GRAMD2B: variants seen among roughly 807,000 people sequenced by gnomAD.
GRAMD2B encodes GRAM domain-containing protein 2B.
In GRAMD2B, 41 loss-of-function variants were observed where a neutral mutation model predicts 59.2. The observed-to-expected ratio is 0.69, with a 90% CI of 0.54 to 0.90. GRAMD2B has a LOEUF of 0.90. Ranked by LOEUF, GRAMD2B falls within the 40% of genes least tolerant of loss-of-function variation. The probability of loss-of-function intolerance (pLI) is 0.00; values close to 1 mark genes in which losing one functional copy is unlikely to be tolerated. For synonymous variants in GRAMD2B, 161 were observed against 182.7 expected, an observed-to-expected ratio of 0.88 and a Z score of 0.96; for missense variants, 424 against 500.5, an observed-to-expected ratio of 0.85 and a Z score of 1.46.
chr5:126,431,413 C>T (rs1404303595), intron 1 of GRAMD2B, among the ~76,000 whole-genome samples: 1 of 152,084 alleles, frequency 6.6e-6, no homozygotes, highest in Non-Finnish European at 1.5e-5. Flanking sequence ...GTAAACAAAC[C>T]CATTAGAATA....
chr5:126,465,214 GA>G (rs1768082937), intron 1 of GRAMD2B: 1 of 1,408,178 alleles, frequency 7.1e-7, no homozygotes, highest in Non-Finnish European at 9.2e-7. Context: ...ATTTACAAGT[GA>G]AACAGGTGCG....
At chr5:126,472,428 TAAC>T (rs1769783675) in intron 4 of GRAMD2B, 124 bp downstream of exon 4, 1 of 686,926 alleles carries the variant, frequency 1.5e-6, no homozygotes, top group East Asian at 2.6e-5. Flanking sequence ...CTGAAAGTAA[TAAC>T]ATAACAATAA....
chr5:126,426,229 G>C (rs1240692013), intron 1 of GRAMD2B, among the ~76,000 whole-genome samples: 3 of 152,054 alleles, frequency 2.0e-5, no homozygotes, highest in Non-Finnish European at 4.4e-5. Context: ...TAAGGAACTG[G>C]TATGCCAAAC....
chr5:126,480,692 T>C lies in GRAMD2B; in HGVS notation c.720T>C (p.Pro240=), dbSNP rs1294360679. ...AAAACAGTTTCCGAGCAGACCGCCC[T>C]TCATCTCTGCCTCTGGTAAGTTGCC... The part of the protein sequence containing the change: ...SAENSFRADR[P]SSLPLDFNDE... Residue 240 remains proline, a synonymous_variant, in exon 8 of 14, where the codon CCT becomes CCC. Transcript: ENST00000285689. 4.3e-6 allele frequency: 7 copies of C among 1,613,800 alleles called. No homozygotes were observed. Among genetic ancestry groups the C allele is most frequent in the Non-Finnish European group, 5.9e-6 (7 of 1,179,802 alleles).
At chr5:126,415,473 G>A (rs1411526685) in intron 1 of GRAMD2B, among the ~76,000 whole-genome samples, 1 of 151,920 alleles carries the variant, frequency 6.6e-6, no homozygotes, top group African/African-American at 2.4e-5. Flanking sequence ...CATGTAAAAG[G>A]CATGCAAAAA....
At chr5:126,436,569 T>C (rs1376465632) in intron 1 of GRAMD2B, among the ~76,000 whole-genome samples, 1 of 152,188 alleles carries the variant, frequency 6.6e-6, no homozygotes, top group Admixed American at 6.5e-5. Flanking sequence ...GGAGGATCGC[T>C]TGAGCCTAGG....
At chr5:126,361,148 C>T (rs575426495) in intron 1 of GRAMD2B, among the ~76,000 whole-genome samples, 1 of 152,168 alleles carries the variant, frequency 6.6e-6, no homozygotes, top group African/African-American at 2.4e-5. Context: ...GCTTTAAAAT[C>T]CCTCAAATAA....
intron 1 of GRAMD2B, among the ~76,000 whole-genome samples, chr5:126,448,660 A>G (rs1764787253): frequency 6.6e-6 from 1 of 152,150 alleles, no homozygotes; most frequent in South Asian, 2.1e-4. Context: ...ACCCTAGCTA[A>G]GCCAACCAAA....
chr5:126,389,513 T>A (rs1756508061), intron 1 of GRAMD2B, among the ~76,000 whole-genome samples: 2 of 152,214 alleles, frequency 1.3e-5, no homozygotes, highest in African/African-American at 4.8e-5. Flanking sequence ...TCTTCTATTC[T>A]TAGTAAGAGC....
intron 1 of GRAMD2B, among the ~76,000 whole-genome samples, chr5:126,391,146 G>T (rs183054245): frequency 2.6e-5 from 4 of 151,778 alleles, no homozygotes; most frequent in Admixed American, 2.0e-4. Context: ...TTTGAGACCA[G>T]CCTGGCCAAC....
intron 1 of GRAMD2B, among the ~76,000 whole-genome samples, chr5:126,363,772 A>G (rs1754324170): frequency 6.6e-6 from 1 of 152,196 alleles, no homozygotes; most frequent in Admixed American, 6.5e-5. Context: ...CTCTAAAGAG[A>G]GAAAGTAAAT....
upstream of GRAMD2B, chr5:126,423,131 G>A (rs528072345): frequency 6.6e-4 from 655 of 992,180 alleles, no homozygotes; most frequent in Non-Finnish European, 7.4e-4. Context: ...CCACTCAGAC[G>A]TCTCCATTTC....
intron 1 of GRAMD2B, among the ~76,000 whole-genome samples, chr5:126,365,978 C>A (rs1013797298): frequency 3.3e-5 from 5 of 152,196 alleles, no homozygotes; most frequent in Admixed American, 1.3e-4. Flanking sequence ...AAAGTCCAAT[C>A]TTGCCATGTC....
upstream of GRAMD2B, among the ~76,000 whole-genome samples, chr5:126,422,623 T>C (rs944269731): frequency 6.6e-5 from 10 of 152,178 alleles, no homozygotes; most frequent in African/African-American, 2.2e-4. Flanking sequence ...ACACCCCTGA[T>C]TGAGAACAAT....
intron 7 of GRAMD2B, 48 bp from the exon 8 acceptor site, chr5:126,480,579 A>G (rs776414611): frequency 1.2e-6 from 2 of 1,607,222 alleles, no homozygotes; most frequent in African/African-American, 2.7e-5. Flanking sequence ...TGTATTTCTT[A>G]TGGTTTCATA....
At chr5:126,361,490 A>G (rs1192944006) in intron 1 of GRAMD2B, among the ~76,000 whole-genome samples, 2 of 1,182 alleles carry the variant, frequency 1.7e-3, no homozygotes, top group African/African-American at 2.1e-3. Context: ...CCGAAATGGT[A>G]AAAAAAAAAA....
intron 1 of GRAMD2B, among the ~76,000 whole-genome samples, chr5:126,461,350 G>C (rs1237085353): frequency 1.3e-5 from 2 of 152,206 alleles, no homozygotes; most frequent in Non-Finnish European, 2.9e-5. Context: ...ATTGTGAAAT[G>C]AGAATTTAAG....
exon 1 of GRAMD2B, chr5:126,360,459 T>G: frequency 2.6e-6 from 4 of 1,550,252 alleles, no homozygotes; most frequent in Non-Finnish European, 3.5e-6. Flanking sequence ...GACCTGGAAC[T>G]GTAAGTGACA....
intron 1 of GRAMD2B, among the ~76,000 whole-genome samples, chr5:126,448,165 A>G (rs914868251): frequency 2.6e-5 from 4 of 152,026 alleles, no homozygotes; most frequent in Non-Finnish European, 5.9e-5. Context: ...CCCATTTATA[A>G]TTTTTAAATA....
Sources: allele counts gnomAD v4.1 joint callset (sites outside exome capture counted in the v4.1 genomes callset), GRCh38; gene constraint gnomAD v4.1.1; transcripts MANE v1.5; gene names NCBI Gene and HGNC (gene_info 2026-07-23, HGNC 2026-07-21).